Variants in ZNF320 observed in about 807,000 individuals in gnomAD.
ZNF320 encodes the protein zinc finger protein 320, also known as zinc finger gene 320.
Under a neutral mutation model 6.8 loss-of-function variants are expected in ZNF320, and 2 were observed. The observed-to-expected ratio is 0.29, with a 90% CI of 0.12 to 0.93. The LOEUF (loss-of-function observed/expected upper bound fraction) is 0.93, where lower values mean the gene tolerates loss of function less well. Among genes scored for constraint, ZNF320 ranks in the 40% least tolerant of loss-of-function variants. The pLI is 0.55. For synonymous variants in ZNF320, 208 were observed against 203.2 expected (o/e 1.02, Z -0.20); for missense variants, 472 against 611.0 (o/e 0.77, Z 2.40).
At chr19:52,903,816 C>A in the ZNF320 span, among the ~76,000 whole-genome samples, 1 of 151,854 alleles carries the variant, frequency 6.6e-6, no homozygotes, top group Non-Finnish European at 1.5e-5. Flanking sequence ...AAACCAAAAT[C>A]ATGAAATTCA....
intron 4 of ZNF320, among the ~76,000 whole-genome samples, chr19:52,888,594 CAT>C: frequency 3.0e-5 from 3 of 101,606 alleles, no homozygotes; most frequent in African/African-American, 8.3e-5. Flanking sequence ...TGCACCAAGG[CAT>C]TCTAGCCTGG....
chr19:52,891,943 T>C (rs183955814), intron 2 of ZNF320: 2 of 152,346 alleles, frequency 1.3e-5, no homozygotes, highest in Admixed American at 6.5e-5. Flanking sequence ...ATCTTTCACA[T>C]ACCTGGGCTA....
At chr19:52,901,077 C>A (rs180739141), upstream of ZNF320, among the ~76,000 whole-genome samples, 9 of 152,190 alleles carry the variant, frequency 5.9e-5, no homozygotes, top group African/African-American at 2.2e-4. Context: ...TAGAAAAAGA[C>A]TAGTCTTTAA....
chr19:52,862,294 T>A, exon 6 of ZNF320: 1 of 611,444 alleles, frequency 1.6e-6, no homozygotes, highest in Non-Finnish European at 2.9e-6. Flanking sequence ...TGAATTCTAG[T>A]ATGTCCTGCA....
Position 52,881,958 on chromosome 19 carries a change from A to C in ZNF320, c.168T>G (p.Asn56Lys). ...SLDISSKCMM[N>K]TLSSTGQGNT... ...TGCCTTGCCCTGTTGATGACAATGTATTCATCATGCATTTGGAAGAGATAT... is the reference window on the plus strand; with the variant it reads ...TGCCTTGCCCTGTTGATGACAATGTCTTCATCATGCATTTGGAAGAGATAT... Residue 56 changes from asparagine (N) to lysine (K), a missense_variant, in exon 6 of 6, where the codon AAT becomes AAG. Coordinates refer to ENST00000682928, the MANE Select transcript of ZNF320 (RefSeq NM_001351774.2). The C allele has an allele frequency of 6.2e-7, 1 of 1,606,706 alleles. No homozygotes were observed. The highest frequency in any genetic ancestry group is 8.5e-7 in the Non-Finnish European group (1 of 1,177,504).
intron 1 of ZNF320, among the ~76,000 whole-genome samples, chr19:52,896,474 C>T (rs1316033563): frequency 4.6e-5 from 7 of 151,996 alleles, no homozygotes; most frequent in East Asian, 1.9e-4. Flanking sequence ...TTTGGGAGGG[C>T]GATACAGCTG....
downstream of ZNF320, among the ~76,000 whole-genome samples, chr19:52,859,962 G>A (rs2063477398): frequency 6.7e-6 from 1 of 149,356 alleles, no homozygotes; most frequent in African/African-American, 2.5e-5. Context: ...ACCCAGGCTG[G>A]AATGCAGTGG....
Position 52,881,929 on chromosome 19 carries a change from G to C in ZNF320, c.197C>G (p.Thr66Arg). The change falls in exon 6 of 6, where the codon ACA (threonine) becomes AGA (arginine). Residue 66 changes from threonine (T) to arginine (R), a missense_variant. Thr to Arg is a moderately conservative substitution (Grantham distance 71, BLOSUM62 -1). Coordinates refer to ENST00000682928, the MANE Select transcript of ZNF320 (RefSeq NM_001351774.2). ...NTLSSTGQGN[T>R]EVIHTGTLQR... ...CAATGTCCCTGTGTGGATCACTTCT[G>C]TATTGCCTTGCCCTGTTGATGACAA... 1 of 1,610,190 alleles carries C rather than the reference G, an allele frequency of 6.2e-7. No homozygotes were observed. The highest frequency in any genetic ancestry group is 8.5e-7 in the Non-Finnish European group (1 of 1,178,498).
At chr19:52,887,476 T>TGG (rs1409287822) in intron 5 of ZNF320, among the ~76,000 whole-genome samples, 11 of 152,234 alleles carry the variant, frequency 7.2e-5, no homozygotes, top group African/African-American at 2.7e-4. Flanking sequence ...TGAATGCTGT[T>TGG]GGAGCACTGT....
intron 5 of ZNF320, among the ~76,000 whole-genome samples, chr19:52,882,570 C>A (rs2063955362): frequency 1.3e-5 from 2 of 152,306 alleles, no homozygotes; most frequent in Middle Eastern, 3.4e-3. Context: ...TTGATTTAAG[C>A]CAAGATGCAA....
chr19:52,869,702 A>G (rs1246580547), intron 5 of ZNF320, among the ~76,000 whole-genome samples: 1 of 151,484 alleles, frequency 6.6e-6, no homozygotes, highest in African/African-American at 2.4e-5. Context: ...GGGCCTGGCT[A>G]AATTTTCTAT....
At chr19:52,868,051 C>A (rs1257969649) in intron 5 of ZNF320, among the ~76,000 whole-genome samples, 4 of 77,092 alleles carry the variant, frequency 5.2e-5, no homozygotes, top group South Asian at 4.5e-4. Context: ...AGCCAGTCTA[C>A]GCCGTTTCTG....
At chr19:52,862,161 G>A in exon 6 of ZNF320, 1 of 421,506 alleles carries the variant, frequency 2.4e-6, no homozygotes, top group Non-Finnish European at 4.8e-6. Context: ...AAGGCATTGT[G>A]ACAATCATTG....
chr19:52,890,361 G>A, intron 3 of ZNF320, 33 bp from the exon 4 acceptor site: 2 of 1,438,782 alleles, frequency 1.4e-6, no homozygotes, highest in Non-Finnish European at 1.9e-6. Flanking sequence ...TTATCACTGA[G>A]AATCAACACA....
downstream of ZNF320, among the ~76,000 whole-genome samples, chr19:52,860,270 T>C (rs1002057616): frequency 1.3e-5 from 2 of 152,078 alleles, no homozygotes; most frequent in African/African-American, 4.8e-5. Context: ...GCCGGTCTGC[T>C]GACAGTCTAA....
intron 5 of ZNF320, among the ~76,000 whole-genome samples, chr19:52,870,600 C>G (rs1458910499): frequency 2.0e-5 from 3 of 151,860 alleles, no homozygotes; most frequent in Admixed American, 2.0e-4. Context: ...TATTTATGCA[C>G]ACACATCACA....
In ZNF320 at chr19:52,893,805, G is replaced by C. The variant is rs2064386167; in HGVS notation, c.-218C>G. ...AGGCTGAGGTGGGAGAATTGCTTGA[G>C]CCCGGAGAGCAGAGGTTGAAGTGAA... On this transcript the variant is annotated 5_prime_UTR_variant, in exon 2 of 6. Coordinates refer to ENST00000682928, the MANE Select transcript of ZNF320 (RefSeq NM_001351774.2). The C allele has an allele frequency of 6.6e-6, 1 of 152,172 alleles. No homozygotes were observed. The highest frequency in any genetic ancestry group is 2.1e-4 in the South Asian group (1 of 4,824). 9.4% of individuals were successfully genotyped at this position (152,172 alleles called of 1,614,324 possible).
rs12978427 is a variant in ZNF320 at position 52,878,270 on chromosome 19, G to A, written c.*2326C>T. The A allele has an allele frequency of 0.17, 19,214 of 112,532 alleles. 1,530 individuals carry two copies. The highest frequency in any genetic ancestry group is 0.3 in the East Asian group (1,055 of 3,520). 7.0% of individuals were successfully genotyped at this position (112,532 alleles called of 1,614,324 possible). On this transcript the variant is annotated 3_prime_UTR_variant, in exon 6 of 6. Transcript: ENST00000682928. Reference sequence around the variant, plus strand: ...TTTTTTTTTTTTTTTTTTTTTTTGAGATGGAGTCTCGCTCTGTCACCCAGG... The same window carrying A: ...TTTTTTTTTTTTTTTTTTTTTTTGAAATGGAGTCTCGCTCTGTCACCCAGG...
the ZNF320 span, among the ~76,000 whole-genome samples, chr19:52,902,794 T>C: frequency 6.6e-6 from 1 of 152,178 alleles, no homozygotes; most frequent in Non-Finnish European, 1.5e-5. Context: ...TTGTAGACTC[T>C]TTTTAACTTT....
Sources: gnomAD v4.1 joint callset for allele counts (sites outside exome capture counted in the v4.1 genomes callset) on GRCh38, gnomAD v4.1.1 for gene constraint, MANE v1.5 for transcripts, NCBI Gene and HGNC (gene_info 2026-07-23, HGNC 2026-07-21) for gene names.